Variants in RICTOR observed in about 807,000 individuals in gnomAD.
RICTOR encodes the protein rapamycin-insensitive companion of mTOR.
RICTOR carries 49 observed loss-of-function variants against 214.9 expected under a neutral mutation model. That is an observed-to-expected ratio of 0.23 (90% CI 0.18 to 0.29). The LOEUF (loss-of-function observed/expected upper bound fraction) is 0.29. Among genes scored for constraint, RICTOR ranks in the 10% least tolerant of loss-of-function variants. The probability of loss-of-function intolerance (pLI) is 1.00; values close to 1 mark genes in which losing one functional copy is unlikely to be tolerated. For synonymous variants in RICTOR, 717 were observed against 711.3 expected, an observed-to-expected ratio of 1.01 and a Z score of -0.13; for missense variants, 1,625 against 2,047.0, an observed-to-expected ratio of 0.79 and a Z score of 3.98.
At chr5:38,987,806 G>A (rs773111775) in intron 7 of RICTOR, among the ~76,000 whole-genome samples, 2 of 151,854 alleles carry the variant, frequency 1.3e-5, no homozygotes, top group African/African-American at 2.4e-5. Flanking sequence ...TTAGGGTGTC[G>A]ACTTTAGATC....
chr5:38,995,050 AT>A (rs1162569380), intron 6 of RICTOR, among the ~76,000 whole-genome samples: 8 of 152,238 alleles, frequency 5.3e-5, no homozygotes, highest in African/African-American at 1.7e-4. Context: ...GCAGAAGCAA[AT>A]ATGATAATCC....
At chr5:39,036,120 C>T (rs777154349) in intron 2 of RICTOR, among the ~76,000 whole-genome samples, 6 of 152,168 alleles carry the variant, frequency 3.9e-5, no homozygotes, top group African/African-American at 4.8e-5. Flanking sequence ...CGGATCTCTC[C>T]GCAGAAACTC....
intron 7 of RICTOR, among the ~76,000 whole-genome samples, chr5:38,989,760 C>T (rs2548804): frequency 0.95 from 145,401 of 152,272 alleles, 69,549 homozygotes; most frequent in East Asian, 0.99. Flanking sequence ...AGCTCATTAC[C>T]ACTGGTCATT....
At chr5:38,967,069 G>A in intron 14 of RICTOR, 92 bp downstream of exon 14, 2 of 973,726 alleles carry the variant, frequency 2.1e-6, no homozygotes, top group Non-Finnish European at 3.3e-6. Flanking sequence ...TCAAAGTGTT[G>A]GGATTACAGG....
chr5:39,037,254 G>A (rs550015883), intron 2 of RICTOR, among the ~76,000 whole-genome samples: 6 of 152,134 alleles, frequency 3.9e-5, no homozygotes, highest in East Asian at 1.9e-4. Flanking sequence ...AAATAAAGAC[G>A]TTCTTTGAAA....
At chr5:38,990,614 TA>T (rs1752565690) in intron 7 of RICTOR, among the ~76,000 whole-genome samples, 1 of 101,066 alleles carries the variant, frequency 9.9e-6, no homozygotes, top group Non-Finnish European at 2.1e-5. Context: ...ATGATATATA[TA>T]CGATATATGA....
Position 39,062,079 on chromosome 5 carries a change from A to T in RICTOR, c.97+12032T>A, listed in dbSNP as rs147276339. On this transcript the variant is annotated intron_variant, in intron 2 of 37. Coordinates refer to ENST00000357387, the MANE Select transcript of RICTOR (RefSeq NM_152756.5). ...CTTATATGACATAAGAATTAATCTGACCTGCTTTCTACTGTTATGCCATTA... is the reference window on the plus strand; with the variant it reads ...CTTATATGACATAAGAATTAATCTGTCCTGCTTTCTACTGTTATGCCATTA... 2.2e-3 allele frequency among the ~76,000 whole-genome samples: 342 copies of T among 152,200 alleles called. 1 individual carries two copies. Among genetic ancestry groups the T allele is most frequent in the African/African-American group, 7.8e-3 (323 of 41,560 alleles).
chr5:38,987,544 G>A (rs1404194608), intron 7 of RICTOR, among the ~76,000 whole-genome samples: 2 of 152,126 alleles, frequency 1.3e-5, no homozygotes, highest in African/African-American at 2.4e-5. Context: ...ATTTCTGTGG[G>A]ATCAGTGGTG....
intron 2 of RICTOR, among the ~76,000 whole-genome samples, chr5:39,031,752 T>G (rs944385419): frequency 1.3e-5 from 2 of 152,222 alleles, no homozygotes. Context: ...CATATGCGAC[T>G]TCAACAGTAG....
intron 10 of RICTOR, 89 bp downstream of exon 10, chr5:38,975,448 G>A (rs2150049007): frequency 3.5e-6 from 3 of 865,806 alleles, no homozygotes; most frequent in Non-Finnish European, 1.9e-6. Context: ...ATTAGCATCT[G>A]AATTAGGTGC....
intron 7 of RICTOR, 77 bp downstream of exon 7, chr5:38,990,872 T>TGATAGATATAC: frequency 1.2e-6 from 1 of 807,504 alleles, no homozygotes; most frequent in South Asian, 2.1e-5. Context: ...GATAGATATA[T>TGATAGATATAC]GATAGATATA....
At chr5:39,023,907 A>C (rs1472054415) in intron 2 of RICTOR, among the ~76,000 whole-genome samples, 2 of 152,200 alleles carry the variant, frequency 1.3e-5, no homozygotes, top group African/African-American at 2.4e-5. Flanking sequence ...TGACAGATGA[A>C]ATATTTTTAA....
intron 6 of RICTOR, among the ~76,000 whole-genome samples, chr5:38,996,098 C>T (rs1231289298): frequency 6.6e-6 from 1 of 152,146 alleles, no homozygotes; most frequent in South Asian, 2.1e-4. Flanking sequence ...CTAAAAAATT[C>T]AACTGGAAAA....
At chr5:39,018,880 G>A (rs1214352196) in intron 3 of RICTOR, among the ~76,000 whole-genome samples, 1 of 152,086 alleles carries the variant, frequency 6.6e-6, no homozygotes, top group East Asian at 1.9e-4. Context: ...GGCCTCTTGA[G>A]ACAAACAGGT....
chr5:38,983,419 A>G (rs1474114874), intron 7 of RICTOR, among the ~76,000 whole-genome samples: 1 of 152,190 alleles, frequency 6.6e-6, no homozygotes, highest in Non-Finnish European at 1.5e-5. Flanking sequence ...CTACAAAGTA[A>G]CACTGTCTCC....
chr5:39,021,611 C>G (rs1461920723), intron 2 of RICTOR, among the ~76,000 whole-genome samples: 1 of 152,044 alleles, frequency 6.6e-6, no homozygotes, highest in Non-Finnish European at 1.5e-5. Flanking sequence ...TGTGCTCATG[C>G]TCTCACAAGC....
At chr5:39,031,718 A>T (rs956752143) in intron 2 of RICTOR, among the ~76,000 whole-genome samples, 3 of 152,222 alleles carry the variant, frequency 2.0e-5, no homozygotes, top group African/African-American at 7.2e-5. Flanking sequence ...ATACTACAAT[A>T]TATCCAACTA....
At chr5:39,040,501 A>G (rs1350156078) in intron 2 of RICTOR, among the ~76,000 whole-genome samples, 1 of 152,134 alleles carries the variant, frequency 6.6e-6, no homozygotes, top group Admixed American at 6.6e-5. Context: ...TAATTTTAAT[A>G]ATTAGAAGCT....
chr5:38,986,450 A>G (rs1752178844), intron 7 of RICTOR, among the ~76,000 whole-genome samples: 1 of 152,230 alleles, frequency 6.6e-6, no homozygotes. Context: ...AGATTCTATA[A>G]TATTACTGGA....
Sources: allele counts gnomAD v4.1 joint callset (sites outside exome capture counted in the v4.1 genomes callset), GRCh38; gene constraint gnomAD v4.1.1; transcripts MANE v1.5; gene names NCBI Gene and HGNC (gene_info 2026-07-23, HGNC 2026-07-21).